MYO16: variants seen among roughly 807,000 people sequenced by gnomAD.
The protein encoded by MYO16 is myosin XVI.
MYO16 carries 94 observed loss-of-function variants against 205.3 expected under a neutral mutation model. The ratio of observed to expected loss-of-function variants is 0.46; its 90% CI spans 0.39 to 0.54. MYO16 has a LOEUF of 0.54. Ranked by LOEUF, MYO16 falls within the 20% of genes least tolerant of loss-of-function variation. The probability of loss-of-function intolerance (pLI) is 0.00; values close to 1 mark genes in which losing one functional copy is unlikely to be tolerated. For synonymous variants in MYO16, 988 were observed against 954.0 expected (o/e 1.04, Z -0.66); for missense variants, 2,315 against 2,387.5 (o/e 0.97, Z 0.63).
At chr13:108,764,214 T>A (rs1594275643) in intron 4 of MYO16, among the ~76,000 whole-genome samples, 1 of 152,172 alleles carries the variant, frequency 6.6e-6, no homozygotes, top group African/African-American at 2.4e-5. Flanking sequence ...TGAAACATTA[T>A]AATAGGAAAA....
At chr13:108,563,789 G>A in the MYO16 span, among the ~76,000 whole-genome samples, 1 of 152,182 alleles carries the variant, frequency 6.6e-6, no homozygotes, top group Non-Finnish European at 1.5e-5. Flanking sequence ...TATGAGCAGT[G>A]CTATAACAAA....
chr13:109,114,375 A>G (rs1875565183), intron 28 of MYO16, among the ~76,000 whole-genome samples: 1 of 152,212 alleles, frequency 6.6e-6, no homozygotes, highest in South Asian at 2.1e-4. Flanking sequence ...TTATAGGATC[A>G]AGGGTGTGTG....
chr13:108,898,299 GT>G (rs1262538980), intron 15 of MYO16, among the ~76,000 whole-genome samples, 166 bp downstream of exon 15: 2 of 151,020 alleles, frequency 1.3e-5, no homozygotes, highest in African/African-American at 4.9e-5. Flanking sequence ...TGGAAAGTTT[GT>G]ATTACATTAG....
intron 10 of MYO16, among the ~76,000 whole-genome samples, chr13:108,847,416 T>C (rs563667751): frequency 2.0e-4 from 31 of 152,302 alleles, no homozygotes; most frequent in African/African-American, 7.2e-4. Context: ...GCCCACAAGG[T>C]GCTAGCTGTA....
chr13:108,961,671 A>G lies in MYO16; in HGVS notation c.2155+15A>G. The G allele has an allele frequency of 6.3e-7, 1 of 1,579,942 alleles. No homozygotes were observed. The highest frequency in any genetic ancestry group is 8.7e-7 in the Non-Finnish European group (1 of 1,148,996). On this transcript the variant is annotated intron_variant, in intron 18 of 34. Transcript: ENST00000457511. ...CCTGGAACAAGGTCAGTGGAACATGACCTTCTGACATTAACCACATTGATG... is the reference window on the plus strand; with the variant it reads ...CCTGGAACAAGGTCAGTGGAACATGGCCTTCTGACATTAACCACATTGATG...
chr13:108,566,150 G>A, the MYO16 span, among the ~76,000 whole-genome samples: 6 of 152,194 alleles, frequency 3.9e-5, no homozygotes, highest in East Asian at 7.7e-4. Context: ...GAAGCCATCA[G>A]GTCCTGGGCT....
intron 20 of MYO16, among the ~76,000 whole-genome samples, chr13:108,968,838 C>A (rs373270742): frequency 6.6e-6 from 1 of 152,182 alleles, no homozygotes; most frequent in African/African-American, 2.4e-5. Flanking sequence ...GAGGCCATGA[C>A]GTGCTCCCCA....
At chr13:108,946,980 T>G (rs1351738005) in intron 16 of MYO16, among the ~76,000 whole-genome samples, 10 of 152,164 alleles carry the variant, frequency 6.6e-5, no homozygotes, top group Non-Finnish European at 1.2e-4. Context: ...AGAGGTTGCT[T>G]AATACATTTG....
intron 14 of MYO16, among the ~76,000 whole-genome samples, chr13:108,893,719 A>C (rs1476783390): frequency 1.3e-5 from 2 of 152,146 alleles, no homozygotes; most frequent in Non-Finnish European, 2.9e-5. Flanking sequence ...GCATTCTGGA[A>C]TATCACACAG....
intron 16 of MYO16, among the ~76,000 whole-genome samples, chr13:108,947,810 T>C (rs1438975848): frequency 6.6e-6 from 1 of 152,272 alleles, no homozygotes; most frequent in African/African-American, 2.4e-5. Context: ...TTTCAACTGA[T>C]TAGAAAAATA....
chr13:109,087,812 G>A (rs182708305), intron 27 of MYO16, among the ~76,000 whole-genome samples: 38 of 152,304 alleles, frequency 2.5e-4, no homozygotes, highest in East Asian at 1.9e-3. Context: ...GACTGACCTT[G>A]GTGAATATTT....
chr13:108,898,060 TA>T lies in MYO16; in HGVS notation c.1706del (p.Asn569MetfsTer22). 1 of 1,614,152 alleles carries T rather than the reference TA, an allele frequency of 6.2e-7. No individual in the cohort carries two copies. The highest frequency in any genetic ancestry group is 8.5e-7 in the Non-Finnish European group (1 of 1,179,990). ...EAFGHAKTTL[N>X]DLSSCFIKYF... ...CCTTTGGACATGCCAAGACCACACT[TA>T]ATGATTTGTCCAGTTGCTTCATCAA... On this transcript the variant is annotated frameshift_variant, in exon 15 of 35. Transcript: ENST00000457511. LOFTEE classifies it high-confidence loss of function.
At chr13:108,649,465 G>GA (rs1385371465) in intron 1 of MYO16, among the ~76,000 whole-genome samples, 1 of 152,178 alleles carries the variant, frequency 6.6e-6, no homozygotes, top group African/African-American at 2.4e-5. Flanking sequence ...GATGCTCCCA[G>GA]AAAAAATAAT....
At chr13:108,988,280 C>G (rs1387059373) in intron 20 of MYO16, among the ~76,000 whole-genome samples, 1 of 152,118 alleles carries the variant, frequency 6.6e-6, no homozygotes, top group Non-Finnish European at 1.5e-5. Context: ...TTATTACTAT[C>G]CTGCCAATGT....
chr13:108,705,987 T>C (rs948437867), intron 2 of MYO16, among the ~76,000 whole-genome samples: 5 of 152,282 alleles, frequency 3.3e-5, no homozygotes, highest in African/African-American at 1.2e-4. Context: ...ACACTCTATA[T>C]GACCAATCAA....
chr13:108,752,647 CTTT>C (rs551153441), intron 4 of MYO16, among the ~76,000 whole-genome samples: 1 of 135,768 alleles, frequency 7.4e-6, no homozygotes. Context: ...TTTTTCTTTT[CTTT>C]TTTTTTTTTG....
chr13:108,864,251 C>A (rs886820342), intron 11 of MYO16, among the ~76,000 whole-genome samples: 1 of 151,810 alleles, frequency 6.6e-6, no homozygotes, highest in Non-Finnish European at 1.5e-5. Flanking sequence ...ATTATCACTC[C>A]TTTTTTCCTT....
the MYO16 span, among the ~76,000 whole-genome samples, chr13:108,560,670 A>T: frequency 6.6e-6 from 1 of 152,146 alleles, no homozygotes; most frequent in African/African-American, 2.4e-5. Flanking sequence ...AACTGGTGTT[A>T]TTTGCTTATT....
intron 12 of MYO16, among the ~76,000 whole-genome samples, chr13:108,871,883 C>T (rs1594359451): frequency 6.6e-6 from 1 of 152,174 alleles, no homozygotes; most frequent in Admixed American, 6.5e-5. Flanking sequence ...ATTTTACTAT[C>T]CCTGCCATTA....
Sources: allele counts gnomAD v4.1 joint callset (sites outside exome capture counted in the v4.1 genomes callset), GRCh38; gene constraint gnomAD v4.1.1; transcripts MANE v1.5; gene names NCBI Gene and HGNC (gene_info 2026-07-23, HGNC 2026-07-21).